KIF5C: variants seen among roughly 807,000 people sequenced by gnomAD.
KIF5C encodes kinesin heavy chain isoform 5C.
In KIF5C, 18 loss-of-function variants were observed where a neutral mutation model predicts 125.2. That is an observed-to-expected ratio of 0.14 (90% confidence interval 0.10 to 0.21). The LOEUF (loss-of-function observed/expected upper bound fraction) is 0.21. KIF5C is among the 10% of genes least tolerant of loss of function. The pLI is 1.00. For synonymous variants in KIF5C, 405 were observed against 434.0 expected (o/e 0.93, Z 0.83); for missense variants, 780 against 1,183.8 (o/e 0.66, Z 5.01).
chr2:148,952,981 G>C (rs145306702), intron 10 of KIF5C, among the ~76,000 whole-genome samples: 8 of 152,284 alleles, frequency 5.3e-5, no homozygotes, highest in African/African-American at 1.9e-4. Context: ...AAATAAAGTA[G>C]AATTAGAATT....
At chr2:148,920,689 C>G (rs1258277198) in intron 1 of KIF5C, among the ~76,000 whole-genome samples, 2 of 152,192 alleles carry the variant, frequency 1.3e-5, no homozygotes, top group African/African-American at 4.8e-5. Flanking sequence ...ATCTCCAGTT[C>G]AGCTCTACCC....
intron 4 of KIF5C, among the ~76,000 whole-genome samples, chr2:148,940,641 C>G (rs1007709219): frequency 2.0e-5 from 3 of 152,208 alleles, no homozygotes; most frequent in African/African-American, 7.2e-5. Flanking sequence ...GTTTTCCTTT[C>G]TGCCCACTCC....
chr2:148,925,381 G>A (rs1009031253), intron 2 of KIF5C, among the ~76,000 whole-genome samples: 4 of 152,114 alleles, frequency 2.6e-5, no homozygotes, highest in African/African-American at 9.7e-5. Flanking sequence ...GATCTGTTTT[G>A]TTATTATCTT....
At chr2:148,964,269 C>G (rs980687555) in intron 11 of KIF5C, among the ~76,000 whole-genome samples, 4 of 146,628 alleles carry the variant, frequency 2.7e-5, no homozygotes, top group African/African-American at 1.1e-4. Context: ...GAGCAAAACT[C>G]CATCTCAAAA....
At position 148,882,306 on chromosome 2, in the gene KIF5C, G is replaced by T. The variant is rs1456049450; in HGVS notation, c.126+6563G>T. Among the ~76,000 whole-genome samples, 4 of 152,170 alleles carry T rather than the reference G, an allele frequency of 2.6e-5. 1 individual carries two copies. In the South Asian group the frequency reaches 8.3e-4, roughly 32 times the overall value. ...AATAGAGATAACAACACTCTCCACTGTCTAGGGCCGTTGTGTGCTAAGCCC... is the reference window on the plus strand; with the variant it reads ...AATAGAGATAACAACACTCTCCACTTTCTAGGGCCGTTGTGTGCTAAGCCC... On this transcript the variant is annotated intron_variant, in intron 1 of 25. Coordinates refer to ENST00000435030, the MANE Select transcript of KIF5C (RefSeq NM_004522.3).
In KIF5C at chr2:148,971,654, G is replaced by A. The variant is rs1040179241; in HGVS notation, c.1118-1682G>A. Among the ~76,000 whole-genome samples the A allele has an allele frequency of 7.2e-5, 11 of 152,298 alleles. 1 individual carries two copies. In the South Asian group the frequency reaches 1.5e-3, roughly 20 times the overall value. On this transcript the variant is annotated intron_variant, in intron 11 of 25. Coordinates refer to ENST00000435030, the MANE Select transcript of KIF5C (RefSeq NM_004522.3). ...CAATTTTGTATTCAGCAAGGTAATA[G>A]TTTATTCTATGTTTTGCTTCAAGTT...
intron 1 of KIF5C, among the ~76,000 whole-genome samples, chr2:148,917,294 T>G (rs961880659): frequency 1.3e-5 from 2 of 152,204 alleles, no homozygotes; most frequent in Non-Finnish European, 2.9e-5. Context: ...ATAATCACTT[T>G]GCTTCAGTCT....
At chr2:148,909,323 A>C (rs1681242734) in intron 1 of KIF5C, among the ~76,000 whole-genome samples, 1 of 152,186 alleles carries the variant, frequency 6.6e-6, no homozygotes, top group Non-Finnish European at 1.5e-5. Flanking sequence ...CGCTGCTGGC[A>C]AGCCTCCAGG....
chr2:148,952,378 T>C (rs943495104), intron 10 of KIF5C, among the ~76,000 whole-genome samples: 5 of 152,194 alleles, frequency 3.3e-5, no homozygotes, highest in Non-Finnish European at 7.3e-5. Flanking sequence ...GCATTGCTGT[T>C]ATCAGGAGGT....
chr2:148,946,868 T>C, intron 7 of KIF5C, 31 bp from the exon 8 acceptor site: 2 of 1,609,216 alleles, frequency 1.2e-6, no homozygotes, highest in Non-Finnish European at 8.5e-7. Context: ...TACATGTTCT[T>C]TGTAGAGCAG....
chr2:148,919,206 G>C (rs566921912), intron 1 of KIF5C, among the ~76,000 whole-genome samples: 2 of 152,338 alleles, frequency 1.3e-5, no homozygotes, highest in African/African-American at 4.8e-5. Flanking sequence ...TAACTCAAGA[G>C]TGTAGACAGA....
intron 10 of KIF5C, among the ~76,000 whole-genome samples, chr2:148,957,860 C>G (rs1010349899): frequency 3.3e-5 from 5 of 152,088 alleles, no homozygotes; most frequent in African/African-American, 1.2e-4. Context: ...CTTTGACCCT[C>G]TCAGTCAACA....
intron 14 of KIF5C, among the ~76,000 whole-genome samples, chr2:148,983,267 C>A (rs1433272489): frequency 2.0e-5 from 3 of 152,058 alleles, no homozygotes; most frequent in African/African-American, 7.2e-5. Context: ...AAGTTTAGAC[C>A]CTGAAATGAA....
Position 148,973,346 on chromosome 2 carries a change from G to A in KIF5C, c.1128G>A (p.Val376=). ...ELNRWRNGEA[V]PEDEQISAKD... is the part of the protein sequence containing the mutation. ...GGCTATGTTTTGCAGGAGAAGCTGT[G>A]CCTGAGGATGAACAGATCAGTGCCA... is the stretch of plus-strand genomic sequence containing the variant. The change falls in exon 12 of 26, where the codon GTG becomes GTA. Residue 376 remains valine, a synonymous_variant. Transcript: ENST00000435030. The A allele has an allele frequency of 6.2e-7, 1 of 1,611,306 alleles. No individual in the cohort carries two copies. The highest frequency in any genetic ancestry group is 8.5e-7 in the Non-Finnish European group (1 of 1,179,046).
At chr2:148,987,912 T>C (rs1681424650) in intron 15 of KIF5C, among the ~76,000 whole-genome samples, 1 of 152,124 alleles carries the variant, frequency 6.6e-6, no homozygotes. Flanking sequence ...GGAATGGCAG[T>C]AGTTCATCAT....
intron 8 of KIF5C, chr2:148,947,866 A>G (rs905098225): frequency 8.8e-6 from 4 of 456,538 alleles, no homozygotes; most frequent in African/African-American, 8.0e-5. Flanking sequence ...CCAGCCTTGA[A>G]GCTTGGTCAG....
At chr2:148,949,480 T>C (rs1682605757) in intron 8 of KIF5C, among the ~76,000 whole-genome samples, 1 of 152,166 alleles carries the variant, frequency 6.6e-6, no homozygotes, top group Non-Finnish European at 1.5e-5. Context: ...CCCTCTGGGC[T>C]CCCTTCGGCA....
rs187868017 is a variant in KIF5C at position 148,969,535 on chromosome 2, C to T, written c.1118-3801C>T. On this transcript the variant is annotated intron_variant, in intron 11 of 25. Coordinates refer to ENST00000435030, the MANE Select transcript of KIF5C (RefSeq NM_004522.3). The stretch of plus-strand genomic sequence containing the variant: ...TTTCCTATAGACAGCAGGTATAAGC[C>T]TCCGGGGCTAAACTAAGAGAAATCT... Among the ~76,000 whole-genome samples, 356 of 151,702 alleles carry T rather than the reference C, an allele frequency of 2.3e-3. 1 individual carries two copies. The highest frequency in any genetic ancestry group is 3.5e-3 in the Non-Finnish European group (240 of 67,948).
chr2:148,895,689 G>A (rs1269101033), intron 1 of KIF5C, among the ~76,000 whole-genome samples: 1 of 152,144 alleles, frequency 6.6e-6, no homozygotes, highest in Non-Finnish European at 1.5e-5. Flanking sequence ...TACAGACTCA[G>A]TGGCTTAAGC....
Sources: gnomAD v4.1 joint callset for allele counts (sites outside exome capture counted in the v4.1 genomes callset) on GRCh38, gnomAD v4.1.1 for gene constraint, MANE v1.5 for transcripts, NCBI Gene and HGNC (gene_info 2026-07-23, HGNC 2026-07-21) for gene names.